The following VPS4B variants were observed in gnomAD, a reference collection of about 807,000 sequenced individuals.
VPS4B encodes vacuolar protein sorting 4 homolog B, also known as vacuolar protein sorting-associated protein 4B.
Under a neutral mutation model 56.1 loss-of-function variants are expected in VPS4B, and 23 were observed. That is an observed-to-expected ratio of 0.41 (90% CI 0.30 to 0.58). VPS4B has a LOEUF of 0.58. VPS4B is among the 20% of genes least tolerant of loss of function. VPS4B has a pLI of 0.29. For missense variants in VPS4B, 372 were observed against 531.9 expected (o/e 0.70, Z 2.96); for synonymous variants, 177 against 186.0 (o/e 0.95, Z 0.39).
chr18:63,417,357 A>T (rs1041517427), intron 1 of VPS4B, among the ~76,000 whole-genome samples: 1 of 152,164 alleles, frequency 6.6e-6, no homozygotes, highest in Middle Eastern at 3.4e-3. Flanking sequence ...GCTCTCTAGC[A>T]TGCTAGATCC....
At chr18:63,406,949 A>C (rs1010170668) in intron 4 of VPS4B, among the ~76,000 whole-genome samples, 1 of 152,252 alleles carries the variant, frequency 6.6e-6, no homozygotes, top group Non-Finnish European at 1.5e-5. Context: ...TGGTAAACAC[A>C]GAAAGCTTAA....
intron 1 of VPS4B, among the ~76,000 whole-genome samples, chr18:63,420,595 C>T (rs1205723771): frequency 1.3e-5 from 2 of 152,158 alleles, no homozygotes; most frequent in African/African-American, 4.8e-5. Context: ...GAAGAGTCAC[C>T]TTTAATACTC....
chr18:63,417,670 G>T (rs1010884092), intron 1 of VPS4B, among the ~76,000 whole-genome samples: 1 of 150,382 alleles, frequency 6.6e-6, no homozygotes, highest in African/African-American at 2.4e-5. Context: ...TGTTTTTTTT[G>T]TTTTTTTTTA....
In VPS4B at chr18:63,390,465, A is replaced by C. The variant is rs533879264; in HGVS notation, c.*510T>G. The C allele has an allele frequency of 6.5e-6, 1 of 152,888 alleles. No homozygotes were observed. Among genetic ancestry groups the C allele is most frequent in the East Asian group, 1.9e-4 (1 of 5,196 alleles). The allele number at this position is 152,888 out of a possible 1,614,324, so 9.5% of individuals were successfully genotyped here. A position where few individuals can be genotyped will look rare whatever the true frequency, so the allele number is the denominator to read the frequency against. On this transcript the variant is annotated 3_prime_UTR_variant, in exon 11 of 11. Transcript: ENST00000238497. ...ATTAAGAGCACTGTCTATAATTCAA[A>C]ATCTTTCAAACCCAATCACAAAGCT...
chr18:63,398,204 C>CATAT (rs200905713), intron 8 of VPS4B, among the ~76,000 whole-genome samples: 25 of 112,492 alleles, frequency 2.2e-4, no homozygotes, highest in Middle Eastern at 4.7e-3. Context: ...CACACACACA[C>CATAT]ATATATATAT....
At chr18:63,398,630 G>T (rs1915737811) in intron 8 of VPS4B, among the ~76,000 whole-genome samples, 2 of 151,858 alleles carry the variant, frequency 1.3e-5, no homozygotes, top group South Asian at 4.2e-4. Context: ...GAGGTCAAGA[G>T]ATCGAGACCA....
chr18:63,400,503 T>C (rs1915785539), intron 6 of VPS4B, 44 bp downstream of exon 6: 1 of 1,565,134 alleles, frequency 6.4e-7, no homozygotes, highest in Non-Finnish European at 8.7e-7. Context: ...GATACAGTAA[T>C]TACAGGCAAA....
At chr18:63,393,799 C>T (rs1203668971) in intron 9 of VPS4B, among the ~76,000 whole-genome samples, 3 of 151,930 alleles carry the variant, frequency 2.0e-5, no homozygotes, top group Admixed American at 6.6e-5. Context: ...TGAAGTGGCA[C>T]GATGTCAGCT....
chr18:63,420,320 C>T (rs1568093041), intron 1 of VPS4B, among the ~76,000 whole-genome samples: 1 of 152,090 alleles, frequency 6.6e-6, no homozygotes. Flanking sequence ...TGGTGGCAGG[C>T]ACCTGTAATC....
chr18:63,403,808 C>T lies in VPS4B; in HGVS notation c.383G>A (p.Arg128Gln), dbSNP rs373315578. The change falls in exon 5 of 11, where the codon CGA (arginine) becomes CAA (glutamine). Residue 128 changes from arginine to glutamine, a missense_variant. This residue lies in a region of VPS4B where 153 missense variants were observed against 190.3 expected (regional missense o/e 0.80). Coordinates refer to ENST00000238497, the MANE Select transcript of VPS4B (RefSeq NM_004869.4). ...NQLQGAIVIE[R>Q]PNVKWSDVAG... is the part of the protein sequence containing the mutation. Reference sequence around the variant, plus strand: ...AACGTCACTCCATTTCACATTTGGTCGTTCTATAACAATGGCACCTGCAAA... The same window carrying T: ...AACGTCACTCCATTTCACATTTGGTTGTTCTATAACAATGGCACCTGCAAA... 17 of 1,608,518 alleles carry T rather than the reference C, an allele frequency of 1.1e-5. No individual in the cohort carries two copies. Among genetic ancestry groups the T allele is most frequent in the South Asian group, 3.3e-5 (3 of 89,558 alleles).
intron 1 of VPS4B, chr18:63,415,282 T>C (rs1308368639): frequency 6.5e-6 from 1 of 154,274 alleles, no homozygotes; most frequent in African/African-American, 2.4e-5. Flanking sequence ...CCAGAAAGCT[T>C]TACCGGAGGG....
chr18:63,398,340 G>C (rs955961046), intron 8 of VPS4B, among the ~76,000 whole-genome samples: 3 of 151,584 alleles, frequency 2.0e-5, no homozygotes, highest in African/African-American at 4.9e-5. Flanking sequence ...TCAGCTTCCC[G>C]AGTAGCTGGG....
At chr18:63,401,947 C>G (rs1012476855) in intron 5 of VPS4B, among the ~76,000 whole-genome samples, 1 of 152,000 alleles carries the variant, frequency 6.6e-6, no homozygotes, top group South Asian at 2.1e-4. Flanking sequence ...GAAACGAGAC[C>G]ACGCCATTGC....
intron 1 of VPS4B, among the ~76,000 whole-genome samples, chr18:63,413,538 C>CA (rs11363766): frequency 0.11 from 9,119 of 81,502 alleles, 480 homozygotes; most frequent in Non-Finnish European, 0.16. Context: ...GACTCCACCT[C>CA]AAAAAAAAAA....
intron 1 of VPS4B, among the ~76,000 whole-genome samples, chr18:63,417,333 C>A (rs768631181): frequency 6.6e-6 from 1 of 152,122 alleles, no homozygotes; most frequent in Non-Finnish European, 1.5e-5. Flanking sequence ...CATAATAAAA[C>A]GGCTCATATC....
chr18:63,411,633 G>A, intron 1 of VPS4B, 55 bp from the exon 2 acceptor site: 3 of 1,316,478 alleles, frequency 2.3e-6, no homozygotes, highest in South Asian at 3.4e-5. Flanking sequence ...ACATAAATTT[G>A]AAGTAAATAA....
In VPS4B at chr18:63,411,520, T is replaced by G. The variant is rs778733915; in HGVS notation, c.86A>C (p.Glu29Ala). The G allele has an allele frequency of 6.2e-7, 1 of 1,604,278 alleles. No individual in the cohort carries two copies. Among genetic ancestry groups the G allele is most frequent in the Non-Finnish European group, 8.5e-7 (1 of 1,174,620 alleles). Residue 29 changes from glutamate to alanine, a missense_variant, in exon 2 of 11, where the codon GAA (glutamate) becomes GCA (alanine). This residue lies in a region of VPS4B where 153 missense variants were observed against 190.3 expected (regional missense o/e 0.80). Coordinates refer to ENST00000238497, the MANE Select transcript of VPS4B (RefSeq NM_004869.4). The stretch of plus-strand genomic sequence containing the variant: ...AGCATGCTGATAGAGCTGAAGGGCT[T>G]CTTCGTAGTTCCCAGCCTTGTCTTC... ...AQEDKAGNYEEALQLYQHAVQ... is the reference protein window; with the variant it reads ...AQEDKAGNYEAALQLYQHAVQ...
intron 3 of VPS4B, among the ~76,000 whole-genome samples, chr18:63,409,293 T>C (rs569042181): frequency 1.3e-5 from 2 of 152,336 alleles, no homozygotes; most frequent in East Asian, 1.9e-4. Context: ...ATATTCCTCA[T>C]GTACTTCCAA....
intron 1 of VPS4B, among the ~76,000 whole-genome samples, chr18:63,417,111 T>A (rs1177325869): frequency 3.3e-5 from 5 of 152,182 alleles, no homozygotes; most frequent in Non-Finnish European, 7.4e-5. Context: ...AAAAATTCCC[T>A]ACTCCTTTTT....
Sources: gnomAD v4.1 joint callset for allele counts (sites outside exome capture counted in the v4.1 genomes callset) on GRCh38, gnomAD v4.1.1 for gene constraint, gnomAD v4.1.1 regional missense constraint, MANE v1.5 for transcripts, NCBI Gene and HGNC (gene_info 2026-07-23, HGNC 2026-07-21) for gene names.